Variants in PIK3CB observed in about 807,000 individuals in gnomAD.
PIK3CB encodes the protein phosphatidylinositol 4,5-bisphosphate 3-kinase catalytic subunit beta isoform.
A neutral mutation model predicts 136.8 loss-of-function variants in PIK3CB; 39 were observed. The observed-to-expected ratio is 0.29, with a 90% CI of 0.22 to 0.37. The LOEUF is 0.37. PIK3CB is among the 10% of genes least tolerant of loss of function. The pLI, the probability that PIK3CB is intolerant of heterozygous loss-of-function variation, is 1.00. For synonymous variants in PIK3CB, 428 were observed against 436.6 expected (o/e 0.98, Z 0.25); for missense variants, 868 against 1,275.4 (o/e 0.68, Z 4.87).
At chr3:138,717,489 A>G (rs2044636665) in intron 8 of PIK3CB, among the ~76,000 whole-genome samples, 1 of 152,094 alleles carries the variant, frequency 6.6e-6, no homozygotes, top group African/African-American at 2.4e-5. Flanking sequence ...TCAATCCAAA[A>G]CTCATTAAAT....
chr3:138,797,344 G>C (rs2046120000), intron 1 of PIK3CB: 1 of 152,086 alleles, frequency 6.6e-6, no homozygotes. Flanking sequence ...CAAAAATTAA[G>C]AATTTCAAGA....
rs193136564 is a variant in PIK3CB, at chr3:138,710,294, A to G, written c.1399+1914T>C. ...AGAGGTACATGCTGGAGAGGATAGGAATAGAAGGACACACACACACACACT... is the reference window on the plus strand; with the variant it reads ...AGAGGTACATGCTGGAGAGGATAGGGATAGAAGGACACACACACACACACT... On this transcript the variant is annotated intron_variant, in intron 10 of 23. Transcript: ENST00000674063. Among the ~76,000 whole-genome samples, 15 of 151,784 alleles carry G rather than the reference A, an allele frequency of 9.9e-5. No individual in the cohort carries two copies. The East Asian group carries it at 2.5e-3, about 25-fold the overall frequency.
At chr3:138,810,512 A>C (rs1233819367) in intron 1 of PIK3CB, among the ~76,000 whole-genome samples, 2 of 151,916 alleles carry the variant, frequency 1.3e-5, no homozygotes, top group Non-Finnish European at 2.9e-5. Flanking sequence ...CCTCGCAAAA[A>C]CCCGTAATTC....
intron 2 of PIK3CB, among the ~76,000 whole-genome samples, chr3:138,785,836 A>G (rs893942299): frequency 1.3e-5 from 2 of 152,076 alleles, no homozygotes; most frequent in African/African-American, 2.4e-5. Context: ...AAAAAAAAAA[A>G]AAAAAGAAAA....
intron 6 of PIK3CB, among the ~76,000 whole-genome samples, chr3:138,737,113 G>A (rs1264708006): frequency 6.6e-6 from 1 of 151,986 alleles, no homozygotes; most frequent in Admixed American, 6.6e-5. Context: ...AATGAGCCGG[G>A]CACAGTGGCT....
intron 1 of PIK3CB, among the ~76,000 whole-genome samples, chr3:138,806,582 A>G (rs1039131612): frequency 4.6e-5 from 7 of 152,204 alleles, no homozygotes; most frequent in African/African-American, 1.7e-4. Flanking sequence ...TGTATGGACA[A>G]TGCTAGAACT....
intron 10 of PIK3CB, among the ~76,000 whole-genome samples, chr3:138,711,450 A>T (rs2108573741): frequency 6.6e-6 from 1 of 151,866 alleles, no homozygotes; most frequent in Admixed American, 6.6e-5. Flanking sequence ...GTGGTGGCAC[A>T]TGCCTGTAAT....
At chr3:138,776,391 A>G (rs1415535329) in intron 2 of PIK3CB, among the ~76,000 whole-genome samples, 1 of 152,100 alleles carries the variant, frequency 6.6e-6, no homozygotes, top group African/African-American at 2.4e-5. Context: ...CAAGGAAAGA[A>G]AGCTTTAAGA....
At chr3:138,656,741 T>C (rs2043198255) in intron 22 of PIK3CB, among the ~76,000 whole-genome samples, 2 of 152,080 alleles carry the variant, frequency 1.3e-5, no homozygotes, top group African/African-American at 4.8e-5. Context: ...TCCCTCTCTC[T>C]CCTCTTCAAG....
intron 8 of PIK3CB, among the ~76,000 whole-genome samples, chr3:138,722,387 T>C (rs1369401461): frequency 6.6e-6 from 1 of 152,070 alleles, no homozygotes; most frequent in African/African-American, 2.4e-5. Context: ...AGGATAAAAG[T>C]GGTATTCAAT....
At chr3:138,711,479 T>C (rs2044496558) in intron 10 of PIK3CB, among the ~76,000 whole-genome samples, 1 of 146,300 alleles carries the variant, frequency 6.8e-6, no homozygotes, top group Admixed American at 7.2e-5. Context: ...GCAGGGAGGC[T>C]GAGGCAGGAG....
At chr3:138,822,354 T>C (rs1018683216) in intron 1 of PIK3CB, among the ~76,000 whole-genome samples, 2 of 151,904 alleles carry the variant, frequency 1.3e-5, no homozygotes, top group African/African-American at 4.8e-5. Flanking sequence ...GAGACCAGCC[T>C]GGCCAATACG....
At chr3:138,658,096 T>G (rs2043222585) in intron 21 of PIK3CB, among the ~76,000 whole-genome samples, 1 of 152,056 alleles carries the variant, frequency 6.6e-6, no homozygotes, top group Non-Finnish European at 1.5e-5. Flanking sequence ...GAAAAATACA[T>G]CCAAAGAATT....
At chr3:138,801,319 C>A (rs2046173152) in intron 1 of PIK3CB, among the ~76,000 whole-genome samples, 1 of 152,148 alleles carries the variant, frequency 6.6e-6, no homozygotes, top group African/African-American at 2.4e-5. Context: ...AGAGCCTCCC[C>A]ATTTTATGTT....
chr3:138,770,958 C>T (rs2045791917), intron 2 of PIK3CB, among the ~76,000 whole-genome samples: 1 of 152,040 alleles, frequency 6.6e-6, no homozygotes, highest in Non-Finnish European at 1.5e-5. Flanking sequence ...GATCCACCCG[C>T]CTTAGCCTCC....
intron 19 of PIK3CB, among the ~76,000 whole-genome samples, chr3:138,667,589 T>C (rs910782945): frequency 7.3e-5 from 11 of 151,360 alleles, no homozygotes; most frequent in African/African-American, 2.7e-4. Flanking sequence ...TGAGACAGAG[T>C]CTCGCTCTGT....
intron 19 of PIK3CB, 141 bp from the exon 20 acceptor site, chr3:138,665,344 AAC>A: frequency 1.9e-6 from 1 of 536,448 alleles, no homozygotes; most frequent in East Asian, 3.3e-5. Flanking sequence ...CATATGGAAA[AAC>A]ACAAGTTCCA....
At chr3:138,688,813 T>A in intron 16 of PIK3CB, 62 bp downstream of exon 16, 1 of 972,190 alleles carries the variant, frequency 1.0e-6, no homozygotes, top group Non-Finnish European at 1.6e-6. Flanking sequence ...CAAGCTGATA[T>A]TCATGCTTTA....
chr3:138,831,276 A>AAATTAAATTAAATT (rs1559896103), intron 1 of PIK3CB, among the ~76,000 whole-genome samples: 3,560 of 135,596 alleles, frequency 0.026, 150 homozygotes, highest in African/African-American at 0.12. Context: ...AAAATAAAAT[A>AAATTAAATTAAATT]AAATAAAATT....
Sources: gnomAD v4.1 joint callset for allele counts (sites outside exome capture counted in the v4.1 genomes callset) on GRCh38, gnomAD v4.1.1 for gene constraint, MANE v1.5 for transcripts, NCBI Gene and HGNC (gene_info 2026-07-23, HGNC 2026-07-21) for gene names.